The following ASMTL variants were observed in gnomAD, a reference collection of about 807,000 sequenced individuals.
The protein encoded by ASMTL is acetylserotonin O-methyltransferase like.
Under a neutral mutation model 60.3 loss-of-function variants are expected in ASMTL, and 57 were observed. The observed-to-expected ratio is 0.95, with a 90% CI of 0.76 to 1.18. ASMTL has a LOEUF of 1.18. Ranked by LOEUF, ASMTL falls within the 50% of genes most tolerant of loss-of-function variation. The pLI, the probability that ASMTL is intolerant of heterozygous loss-of-function variation, is 0.00. For synonymous variants in ASMTL, 419 were observed against 373.0 expected, an observed-to-expected ratio of 1.12 and a Z score of -1.42; for missense variants, 981 against 852.6, an observed-to-expected ratio of 1.15 and a Z score of -1.88.
chrX:1,432,244 T>TC (rs759894020), intron 6 of ASMTL, 25 bp downstream of exon 6: 28 of 1,559,176 alleles, frequency 1.8e-5, no homozygotes, highest in Non-Finnish European at 2.4e-5. Context: ...GTGTCCCCCG[T>TC]CCCCCCACCG....
chrX:1,439,448 T>C (rs1310419262), intron 2 of ASMTL, among the ~76,000 whole-genome samples: 2 of 152,244 alleles, frequency 1.3e-5, no homozygotes, highest in African/African-American at 4.8e-5. Flanking sequence ...TAAGCTTTTG[T>C]TCTTCCGGGC....
At position 1,425,530 on chromosome X, in the gene ASMTL, T is replaced by C. The variant is rs1263834956; in HGVS notation, c.1055A>G (p.Glu352Gly). Residue 352 changes from glutamate (E) to glycine (G), a missense_variant, in exon 8 of 13, where the codon GAG becomes GGG. Glu to Gly is a moderately conservative substitution (Grantham distance 98). Coordinates refer to ENST00000381317, the MANE Select transcript of ASMTL (RefSeq NM_004192.4). ...AACCCGCTGGGTCCTGTCACCTTGC[T>C]CTGTCTTCTCCAGGAGCCCCATGGC... Reference protein sequence around the residue: ...CAAMGLLEKTEQGYSNTETAN... With the variant: ...CAAMGLLEKTGQGYSNTETAN... The C allele has an allele frequency of 6.2e-7, 1 of 1,612,046 alleles. No homozygotes were observed. The highest frequency in any genetic ancestry group is 8.5e-7 in the Non-Finnish European group (1 of 1,179,294).
At chrX:1,422,271 CATT>C (rs1343806842) in intron 8 of ASMTL, among the ~76,000 whole-genome samples, 21 of 152,152 alleles carry the variant, frequency 1.4e-4, no homozygotes, top group African/African-American at 4.8e-4. Context: ...CCAAAATGTG[CATT>C]GGCCTCATCC....
Position 1,421,823 on chromosome X carries a change from T to C in ASMTL, c.1080A>G (p.Thr360=), listed in dbSNP as rs758967873. ...CATCCGATGCCAGGTAGACGTTCGC[T>C]GTCTCTGTGTTACTGTAACCTGGAG... ...KTEQGYSNTE[T]ANVYLASDGE... is the part of the protein sequence containing the mutation. The change falls in exon 9 of 13, where the codon ACA becomes ACG. Residue 360 remains threonine, a synonymous_variant. Coordinates refer to ENST00000381317, the MANE Select transcript of ASMTL (RefSeq NM_004192.4). 43 of 1,613,900 alleles carry C rather than the reference T, an allele frequency of 2.7e-5. No individual in the cohort carries two copies. Among genetic ancestry groups the C allele is most frequent in the Non-Finnish European group, 7.6e-6 (9 of 1,179,842 alleles).
chrX:1,447,713 C>T (rs2091258680), intron 1 of ASMTL, among the ~76,000 whole-genome samples: 1 of 148,710 alleles, frequency 6.7e-6, no homozygotes, highest in African/African-American at 2.5e-5. Flanking sequence ...CCATCTTGGA[C>T]AAGCACTGCC....
At chrX:1,434,150 G>T (rs2090894018) in intron 5 of ASMTL, among the ~76,000 whole-genome samples, 1 of 152,140 alleles carries the variant, frequency 6.6e-6, no homozygotes, top group East Asian at 1.9e-4. Flanking sequence ...GGTGCAGGAA[G>T]AACCCAGCAA....
intron 8 of ASMTL, 78 bp downstream of exon 8, chrX:1,425,447 C>T: frequency 1.3e-6 from 2 of 1,533,754 alleles, no homozygotes. Context: ...CCTCGCTCTG[C>T]CCAGGCTCCA....
intron 11 of ASMTL, among the ~76,000 whole-genome samples, chrX:1,417,163 A>G (rs1603450771): frequency 6.7e-6 from 1 of 150,162 alleles, no homozygotes; most frequent in Non-Finnish European, 1.5e-5. Flanking sequence ...TATGCACACA[A>G]CCACCGGCCC....
rs1377543301 is a variant in ASMTL at position 1,449,484 on chromosome X, G to T, written c.93+3264C>A. On this transcript the variant is annotated intron_variant, in intron 1 of 12. Transcript: ENST00000381317. ...CTGACCACTCTCATCCCCGTCACTA[G>T]GACCAGGCATGTGGTGTCCCCCCTC... Among the ~76,000 whole-genome samples, 10 of 151,918 alleles carry T rather than the reference G, an allele frequency of 6.6e-5. No individual in the cohort carries two copies. The South Asian group carries it at 1.0e-3, about 16-fold the overall frequency.
chrX:1,435,502 T>A, intron 4 of ASMTL, 192 bp downstream of exon 4: 2 of 655,018 alleles, frequency 3.1e-6, no homozygotes, highest in Non-Finnish European at 5.6e-6. Context: ...TGCTGCAGAA[T>A]CCTAGACAAG....
intron 9 of ASMTL, among the ~76,000 whole-genome samples, chrX:1,420,772 T>C (rs141223994): frequency 0.019 from 2,941 of 152,244 alleles, 94 homozygotes; most frequent in African/African-American, 0.067. Flanking sequence ...AGGGCATTCA[T>C]TTAAGGCAGC....
chrX:1,415,924 G>T (rs1407286995), intron 11 of ASMTL, among the ~76,000 whole-genome samples: 9 of 151,692 alleles, frequency 5.9e-5, no homozygotes, highest in Admixed American at 3.9e-4. Context: ...GCAAGCACAC[G>T]CCACAAGACA....
At chrX:1,406,643 G>A (rs1413801335) in intron 12 of ASMTL, among the ~76,000 whole-genome samples, 1 of 151,848 alleles carries the variant, frequency 6.6e-6, no homozygotes, top group African/African-American at 2.4e-5. Flanking sequence ...TGTGATGGAT[G>A]GATGGGTGAA....
chrX:1,432,615 G>C (rs1390362179), intron 5 of ASMTL, among the ~76,000 whole-genome samples: 1 of 151,914 alleles, frequency 6.6e-6, no homozygotes, highest in Non-Finnish European at 1.5e-5. Flanking sequence ...GGATCACGAG[G>C]TCAGGAGTTC....
At position 1,417,981 on chromosome X, in the gene ASMTL, A is replaced by G. The variant is rs760614402; in HGVS notation, c.1514T>C (p.Phe505Ser). 3.7e-6 allele frequency: 6 copies of G among 1,609,536 alleles called. No homozygotes were observed. Among genetic ancestry groups the G allele is most frequent in the Non-Finnish European group, 5.1e-6 (6 of 1,177,148 alleles). ...ACAGGAGGAGGGCTCACCTGCTGCG[A>G]AGTGGATCTGCACTGCCTGCGGTCC... The part of the protein sequence containing the change: ...PPGPQAVQIH[F>S]AAGDFFRDPL... The change falls in exon 11 of 13, where the codon TTC becomes TCC. Residue 505 changes from phenylalanine (F) to serine (S), a missense_variant. Physicochemically the swap from Phe to Ser is radical, Grantham distance 155. Coordinates refer to ENST00000381317, the MANE Select transcript of ASMTL (RefSeq NM_004192.4).
At chrX:1,441,849 G>A (rs754296242) in intron 2 of ASMTL, 1 of 267,570 alleles carries the variant, frequency 3.7e-6, no homozygotes, top group East Asian at 7.8e-5. Context: ...TACATTAATT[G>A]TATATCATAA....
At chrX:1,414,350 C>T (rs1230865095) in intron 11 of ASMTL, among the ~76,000 whole-genome samples, 2 of 152,034 alleles carry the variant, frequency 1.3e-5, no homozygotes, top group African/African-American at 4.8e-5. Flanking sequence ...GGAGAGTGTG[C>T]GGTGGGAAGT....
At chrX:1,404,484 AGATG>A (rs1458876402) in intron 12 of ASMTL, among the ~76,000 whole-genome samples, 63 of 149,310 alleles carry the variant, frequency 4.2e-4, no homozygotes, top group Admixed American at 6.7e-4. Context: ...ATGGATGTAT[AGATG>A]GATGGATGGA....
At chrX:1,431,282 T>C (rs1305055057) in intron 6 of ASMTL, among the ~76,000 whole-genome samples, 2 of 128,926 alleles carry the variant, frequency 1.6e-5, no homozygotes, top group Non-Finnish European at 3.1e-5. Context: ...TATATATAAA[T>C]AAAATTAAAT....
Sources: allele counts gnomAD v4.1 joint callset (sites outside exome capture counted in the v4.1 genomes callset), GRCh38; gene constraint gnomAD v4.1.1; transcripts MANE v1.5; gene names NCBI Gene and HGNC (gene_info 2026-07-23, HGNC 2026-07-21).